RBFOX1: variants seen among roughly 807,000 people sequenced by gnomAD.
RBFOX1 encodes the protein RNA binding protein fox-1 homolog 1.
Under a neutral mutation model 57.7 loss-of-function variants are expected in RBFOX1, and 8 were observed. The ratio of observed to expected loss-of-function variants is 0.14; its 90% CI spans 0.08 to 0.25. The LOEUF is 0.25. RBFOX1 is among the 10% of genes least tolerant of loss of function. The pLI, the probability that RBFOX1 is intolerant of heterozygous loss-of-function variation, is 1.00. For synonymous variants in RBFOX1, 326 were observed against 222.4 expected (o/e 1.47, Z -4.15); for missense variants, 611 against 548.5 (o/e 1.11, Z -1.14).
rs3826206 is a variant in RBFOX1, at chr16:7,688,937, C to T, written c.995+12099C>T. 6.6e-4 allele frequency among the ~76,000 whole-genome samples: 100 copies of T among 151,978 alleles called. 1 individual carries two copies. In the East Asian group the frequency reaches 0.014, roughly 22 times the overall value. ...ACACCTCACTGCTGATTAAATACCC[C>T]CTACGTGAATGTTCCAAGCAGAACC... On this transcript the variant is annotated intron_variant, in intron 14 of 15. Coordinates refer to ENST00000550418, the MANE Select transcript of RBFOX1 (RefSeq NM_018723.4).
In RBFOX1 at chr16:7,447,430, CAAA is replaced by C. The variant is rs202234230; in HGVS notation, c.28-70699_28-70697del. On this transcript the variant is annotated intron_variant, in intron 4 of 15. Coordinates refer to ENST00000550418, the MANE Select transcript of RBFOX1 (RefSeq NM_018723.4). ...GCTGGCCAACCGAGTGAGTCTATCTCAAAAAAAAAAAAAAAAAAAAGAGAGATT... is the reference window on the plus strand; with the variant it reads ...GCTGGCCAACCGAGTGAGTCTATCTCAAAAAAAAAAAAAAAAAGAGAGATT... 8.1e-5 allele frequency among the ~76,000 whole-genome samples: 8 copies of C among 98,510 alleles called. 1 individual carries two copies. Among genetic ancestry groups the C allele is most frequent in the South Asian group, 7.1e-4 (2 of 2,826 alleles). The allele number at this position is 98,510 out of a possible 152,430, so 64.6% of individuals were successfully genotyped here.
At chr16:5,588,277 G>A (rs1416438594) in intron 2 of RBFOX1, among the ~76,000 whole-genome samples, 34 of 152,216 alleles carry the variant, frequency 2.2e-4, no homozygotes, top group Non-Finnish European at 5.9e-5. Flanking sequence ...AAAATGCAAC[G>A]ATGGTCACAC....
chr16:6,666,103 C>G (rs1163334162), intron 3 of RBFOX1, among the ~76,000 whole-genome samples: 1 of 152,148 alleles, frequency 6.6e-6, no homozygotes, highest in South Asian at 2.1e-4. Flanking sequence ...GTGCCTTTTG[C>G]CTCCCATCAT....
chr16:5,932,760 G>A lies in RBFOX1; in HGVS notation c.351+65425G>A, dbSNP rs943892645. Among the ~76,000 whole-genome samples, 6 of 152,024 alleles carry A rather than the reference G, an allele frequency of 3.9e-5. 1 individual carries two copies. The highest frequency in any genetic ancestry group is 8.8e-5 in the Non-Finnish European group (6 of 68,020). On this transcript the variant is annotated intron_variant, in intron 4 of 19. Transcript: ENST00000641259. ...CCATCTCTCCCAATTCTCTATAAAC[G>A]TGGGATGCTGAAGAATTCACATACT...
At chr16:5,799,796 T>C (rs1335198670) in intron 3 of RBFOX1, among the ~76,000 whole-genome samples, 1 of 152,198 alleles carries the variant, frequency 6.6e-6, no homozygotes, top group Non-Finnish European at 1.5e-5. Context: ...AGCTTCTGAA[T>C]AGCTCTTTGT....
chr16:6,014,359 T>C (rs993808948), upstream of RBFOX1, among the ~76,000 whole-genome samples: 2 of 152,164 alleles, frequency 1.3e-5, no homozygotes, highest in Non-Finnish European at 2.9e-5. Flanking sequence ...GGAAAAACTA[T>C]CATGTTTACT....
At chr16:7,162,831 G>A (rs2152396259) in intron 4 of RBFOX1, among the ~76,000 whole-genome samples, 1 of 152,248 alleles carries the variant, frequency 6.6e-6, no homozygotes, top group Admixed American at 6.5e-5. Context: ...ATCTTTTGTT[G>A]TTAAAGAATT....
chr16:6,636,753 T>C (rs1041336629), intron 2 of RBFOX1, among the ~76,000 whole-genome samples: 8 of 123,086 alleles, frequency 6.5e-5, no homozygotes, highest in African/African-American at 2.4e-4. Flanking sequence ...ATATATAATA[T>C]AGTTTATATA....
chr16:7,346,874 G>T (rs867800629), intron 4 of RBFOX1, among the ~76,000 whole-genome samples: 1 of 152,098 alleles, frequency 6.6e-6, no homozygotes, highest in Admixed American at 6.5e-5. Context: ...TTGGCTGAAG[G>T]AACAGAACTC....
intron 3 of RBFOX1, among the ~76,000 whole-genome samples, chr16:6,754,307 T>A (rs144276837): frequency 2.0e-5 from 3 of 152,312 alleles, no homozygotes; most frequent in Non-Finnish European, 4.4e-5. Flanking sequence ...ATATCCTCAA[T>A]CCAAATTGCA....
intron 3 of RBFOX1, among the ~76,000 whole-genome samples, chr16:6,897,003 G>A (rs2067097349): frequency 6.6e-6 from 1 of 152,172 alleles, no homozygotes; most frequent in African/African-American, 2.4e-5. Context: ...ACAGCAGCAG[G>A]GGACGCACCT....
At chr16:6,664,941 C>A (rs995069696) in intron 3 of RBFOX1, among the ~76,000 whole-genome samples, 4 of 152,186 alleles carry the variant, frequency 2.6e-5, no homozygotes, top group African/African-American at 9.7e-5. Flanking sequence ...CAGGGACAGA[C>A]ATCGTTTGTA....
intron 2 of RBFOX1, among the ~76,000 whole-genome samples, chr16:6,526,051 C>G (rs1016785687): frequency 6.6e-6 from 1 of 152,146 alleles, no homozygotes; most frequent in African/African-American, 2.4e-5. Flanking sequence ...AAATGGTGTT[C>G]TCATCACTTA....
intron 3 of RBFOX1, among the ~76,000 whole-genome samples, chr16:6,781,326 G>A (rs142490338): frequency 4.6e-5 from 7 of 151,902 alleles, no homozygotes; most frequent in African/African-American, 7.3e-5. Context: ...AATTTGATTC[G>A]GTAGTATTTT....
At chr16:7,265,958 GT>G (rs201372502) in intron 4 of RBFOX1, among the ~76,000 whole-genome samples, 10,110 of 107,478 alleles carry the variant, frequency 0.094, 535 homozygotes, top group Non-Finnish European at 0.1. Context: ...GATCTGGTGG[GT>G]TTTTGTTTTT....
chr16:7,668,566 G>T (rs973492286), intron 13 of RBFOX1, among the ~76,000 whole-genome samples: 45 of 152,204 alleles, frequency 3.0e-4, no homozygotes, highest in African/African-American at 1.1e-3. Flanking sequence ...GGCACAGTGT[G>T]GTTGGCTACT....
chr16:5,522,851 A>G (rs567135152), intron 2 of RBFOX1, among the ~76,000 whole-genome samples: 21 of 152,280 alleles, frequency 1.4e-4, no homozygotes, highest in African/African-American at 4.8e-4. Flanking sequence ...TTCTATCCCA[A>G]CTGCTAAAAT....
At chr16:7,401,447 G>A (rs1397409449) in intron 4 of RBFOX1, among the ~76,000 whole-genome samples, 4 of 152,206 alleles carry the variant, frequency 2.6e-5, no homozygotes, top group Admixed American at 6.5e-5. Flanking sequence ...TGGGATGGCT[G>A]TATGGATCGA....
intron 1 of RBFOX1, among the ~76,000 whole-genome samples, chr16:6,089,463 A>C (rs946775679): frequency 6.6e-6 from 1 of 152,210 alleles, no homozygotes; most frequent in Admixed American, 6.5e-5. Flanking sequence ...GAAGGAGAAG[A>C]AACTGAGGTT....
Sources: gnomAD v4.1 joint callset for allele counts (sites outside exome capture counted in the v4.1 genomes callset) on GRCh38, gnomAD v4.1.1 for gene constraint, MANE v1.5 for transcripts, NCBI Gene and HGNC (gene_info 2026-07-23, HGNC 2026-07-21) for gene names.